The following HEPHL1 variants were observed in gnomAD, a reference collection of about 807,000 sequenced individuals.
The protein encoded by HEPHL1 is hephaestin like 1.
In HEPHL1, 123 loss-of-function variants were observed where a neutral mutation model predicts 122.0. The ratio of observed to expected loss-of-function variants is 1.01; its 90% CI spans 0.87 to 1.17. The LOEUF is 1.17. HEPHL1 is among the 50% of genes most tolerant of loss of function. HEPHL1 has a pLI of 0.00. For synonymous variants in HEPHL1, 527 were observed against 508.9 expected, an observed-to-expected ratio of 1.04 and a Z score of -0.48; for missense variants, 1,452 against 1,430.5, an observed-to-expected ratio of 1.01 and a Z score of -0.24.
chr11:94,111,709 C>G lies in HEPHL1; in HGVS notation c.3295C>G (p.Gln1099Glu). Reference sequence around the variant, plus strand: ...TTTCACAGAACGACCTGGCAAAGAGCAGCTCTATTTCTTTGGCAAGAATCT... The same window carrying G: ...TTTCACAGAACGACCTGGCAAAGAGGAGCTCTATTTCTTTGGCAAGAATCT... ...VPSNERPGKEQLYFFGKNLGP... is the reference protein window; with the variant it reads ...VPSNERPGKEELYFFGKNLGP... The change falls in exon 20 of 20, where the codon CAG becomes GAG. Residue 1099 changes from glutamine (Q) to glutamate (E), a missense_variant. By Grantham distance (29) the Gln-to-Glu change is conservative. Coordinates refer to ENST00000315765, the MANE Select transcript of HEPHL1 (RefSeq NM_001098672.2). The G allele has an allele frequency of 6.2e-7, 1 of 1,610,598 alleles. No homozygotes were observed. The highest frequency in any genetic ancestry group is 8.5e-7 in the Non-Finnish European group (1 of 1,178,102).
At chr11:94,048,940 C>A (rs550792525) in intron 2 of HEPHL1, among the ~76,000 whole-genome samples, 38 of 151,892 alleles carry the variant, frequency 2.5e-4, no homozygotes, top group African/African-American at 8.4e-4. Flanking sequence ...GGCCAACAGG[C>A]GAAACCCCAT....
At chr11:94,027,782 A>G (rs965252031) in intron 1 of HEPHL1, among the ~76,000 whole-genome samples, 1 of 152,210 alleles carries the variant, frequency 6.6e-6, no homozygotes, top group Non-Finnish European at 1.5e-5. Flanking sequence ...TGTGGAAATG[A>G]AGAGTGAAAA....
At chr11:94,062,677 C>A (rs184611012) in intron 2 of HEPHL1, among the ~76,000 whole-genome samples, 7 of 151,924 alleles carry the variant, frequency 4.6e-5, no homozygotes, top group Non-Finnish European at 1.0e-4. Flanking sequence ...TAGCTCCTCC[C>A]GTCCTTTAAG....
chr11:94,022,749 T>G (rs1256177541), intron 1 of HEPHL1, among the ~76,000 whole-genome samples: 1 of 152,202 alleles, frequency 6.6e-6, no homozygotes, highest in Non-Finnish European at 1.5e-5. Context: ...TTGGTGGTAG[T>G]GTCTTTACTG....
chr11:94,104,485 A>G (rs1294726361), intron 15 of HEPHL1, 43 bp from the exon 16 acceptor site: 1 of 1,350,074 alleles, frequency 7.4e-7, no homozygotes, highest in African/African-American at 1.4e-5. Flanking sequence ...ATATTATTAA[A>G]TTACTTAATG....
At chr11:94,034,820 G>C (rs1008043007) in intron 1 of HEPHL1, among the ~76,000 whole-genome samples, 1 of 152,202 alleles carries the variant, frequency 6.6e-6, no homozygotes, top group South Asian at 2.1e-4. Flanking sequence ...GTTAAACAGA[G>C]CCCTGGTGAG....
intron 2 of HEPHL1, among the ~76,000 whole-genome samples, 174 bp downstream of exon 2, chr11:94,046,091 C>CTTTGTTTTTTTTTT (rs1945834268): frequency 1.5e-5 from 1 of 65,048 alleles, no homozygotes; most frequent in East Asian, 5.6e-4. Flanking sequence ...CCCTTTCTTG[C>CTTTGTTTTTTTTTT]TTTTTTTTTT....
rs143690112 is a variant in HEPHL1, at chr11:94,081,639, A to G, written c.1717-779A>G. On this transcript the variant is annotated intron_variant, in intron 9 of 19. Transcript: ENST00000315765. ...TAACATAATTTAGCTAAGTCTCGTC[A>G]GTTATATGAATTCATTATTTCACTC... 7.5e-3 allele frequency among the ~76,000 whole-genome samples: 1,146 copies of G among 152,256 alleles called. 17 individuals are homozygous for G. The highest frequency in any genetic ancestry group is 0.027 in the African/African-American group (1,106 of 41,546).
chr11:94,055,666 A>G, intron 2 of HEPHL1: 1 of 390,906 alleles, frequency 2.6e-6, no homozygotes. Context: ...GATGTGAGGA[A>G]GCTGGCTAGT....
In HEPHL1 at chr11:94,088,957, A is replaced by C. The variant is rs1184118467; in HGVS notation, c.2283A>C (p.Ala761=). Residue 761 remains alanine, a synonymous_variant, in exon 12 of 20, where the codon GCA becomes GCC. Transcript: ENST00000315765. ...AGTTCGAAAAGCAGCACGTGGACGC[A>C]AGAGGGGAAAGGTACCACAGGCGCC... ...NWEFEKQHVD[A]RGERHGDIFM... The C allele has an allele frequency of 6.2e-7, 1 of 1,613,966 alleles. No homozygotes were observed. Among genetic ancestry groups the C allele is most frequent in the Non-Finnish European group, 8.5e-7 (1 of 1,179,862 alleles).
intron 5 of HEPHL1, 57 bp downstream of exon 5, chr11:94,067,807 A>G (rs1227223843): frequency 5.9e-6 from 9 of 1,531,258 alleles, no homozygotes; most frequent in Non-Finnish European, 7.2e-6. Flanking sequence ...CAAACCACAC[A>G]GTCACTAGTG....
At chr11:94,076,485 A>G (rs1946125798) in intron 9 of HEPHL1, among the ~76,000 whole-genome samples, 1 of 152,028 alleles carries the variant, frequency 6.6e-6, no homozygotes, top group Non-Finnish European at 1.5e-5. Context: ...GGTAGTGCTA[A>G]TTTTGCCCCC....
At chr11:94,094,015 A>AT (rs1565360572) in intron 13 of HEPHL1, among the ~76,000 whole-genome samples, 5 of 74,636 alleles carry the variant, frequency 6.7e-5, no homozygotes, top group African/African-American at 2.9e-4. Flanking sequence ...TATATATATA[A>AT]AACTTTAAGT....
At chr11:94,062,384 C>T (rs1212930071) in intron 2 of HEPHL1, among the ~76,000 whole-genome samples, 3 of 152,178 alleles carry the variant, frequency 2.0e-5, no homozygotes, top group African/African-American at 4.8e-5. Context: ...CATCTTTCTC[C>T]AAACATCAAA....
chr11:94,057,066 T>C (rs1419661656), intron 2 of HEPHL1, among the ~76,000 whole-genome samples: 1 of 152,156 alleles, frequency 6.6e-6, no homozygotes, highest in Non-Finnish European at 1.5e-5. Flanking sequence ...GCACTTTAGG[T>C]ATATCATCTC....
At position 94,106,089 on chromosome 11, in the gene HEPHL1, A is replaced by G; in HGVS notation, c.3004A>G (p.Ile1002Val). 1.3e-6 allele frequency: 2 copies of G among 1,591,900 alleles called. No individual in the cohort carries two copies. Among genetic ancestry groups the G allele is most frequent in the South Asian group, 1.1e-5 (1 of 87,136 alleles). Residue 1002 changes from isoleucine to valine, a missense_variant, in exon 17 of 20, where the codon ATA becomes GTA. Transcript: ENST00000315765. Reference protein sequence around the residue: ...YLLGIGSEVDIHTIHYHAESF... With the variant: ...YLLGIGSEVDVHTIHYHAESF... ...GTTAGGGATAGGAAGTGAAGTGGAC[A>G]TACATACCATCCATTATCATGCTGA...
At chr11:94,072,099 T>G (rs1180629834) in intron 6 of HEPHL1, among the ~76,000 whole-genome samples, 1 of 152,154 alleles carries the variant, frequency 6.6e-6, no homozygotes, top group African/African-American at 2.4e-5. Flanking sequence ...ATTAATGTAT[T>G]AAGTGAAAAA....
chr11:94,059,604 G>A (rs1459320331), intron 2 of HEPHL1, among the ~76,000 whole-genome samples: 2 of 152,104 alleles, frequency 1.3e-5, no homozygotes, highest in Non-Finnish European at 2.9e-5. Context: ...CTTTCATATT[G>A]TTAATGACAC....
intron 2 of HEPHL1, among the ~76,000 whole-genome samples, chr11:94,058,617 C>T (rs1004389534): frequency 6.6e-6 from 1 of 152,146 alleles, no homozygotes; most frequent in Non-Finnish European, 1.5e-5. Context: ...ATATACATTC[C>T]TTCATTTAAT....
Sources: allele counts gnomAD v4.1 joint callset (sites outside exome capture counted in the v4.1 genomes callset), GRCh38; gene constraint gnomAD v4.1.1; transcripts MANE v1.5; gene names NCBI Gene and HGNC (gene_info 2026-07-23, HGNC 2026-07-21).